Variants in FAM184A observed in about 807,000 individuals in gnomAD.
The protein encoded by FAM184A is protein FAM184A.
In FAM184A, 99 loss-of-function variants were observed where a neutral mutation model predicts 143.8. That is an observed-to-expected ratio of 0.69 (90% CI 0.58 to 0.81). FAM184A has a LOEUF of 0.81. FAM184A is among the 40% of genes least tolerant of loss of function. The probability of loss-of-function intolerance (pLI) is 0.00; values close to 1 mark genes in which losing one functional copy is unlikely to be tolerated. For synonymous variants in FAM184A, 427 were observed against 446.4 expected, an observed-to-expected ratio of 0.96 and a Z score of 0.55; for missense variants, 1,217 against 1,310.5, an observed-to-expected ratio of 0.93 and a Z score of 1.10.
intron 14 of FAM184A, 48 bp from the exon 15 acceptor site, chr6:118,967,000 C>G (rs1375918589): frequency 1.1e-6 from 1 of 875,296 alleles, no homozygotes; most frequent in South Asian, 1.6e-5. Context: ...CAGATACATT[C>G]TTCTGTAATA....
intron 9 of FAM184A, among the ~76,000 whole-genome samples, chr6:118,999,142 A>G (rs1784668227): frequency 6.6e-6 from 1 of 152,136 alleles, no homozygotes; most frequent in Non-Finnish European, 1.5e-5. Context: ...AAGATGGCTG[A>G]GCAGTAAACA....
At chr6:119,117,030 T>A (rs1252815384) in intron 1 of FAM184A, among the ~76,000 whole-genome samples, 1 of 152,186 alleles carries the variant, frequency 6.6e-6, no homozygotes, top group Non-Finnish European at 1.5e-5. Flanking sequence ...TTAGAAATAT[T>A]ATTCAGGTCT....
chr6:119,142,721 T>C (rs1772289714), intron 1 of FAM184A, among the ~76,000 whole-genome samples: 1 of 152,182 alleles, frequency 6.6e-6, no homozygotes, highest in African/African-American at 2.4e-5. Context: ...AGGAGTGTTG[T>C]GGTTGAATTG....
At chr6:119,090,512 T>A (rs1433091914) in intron 1 of FAM184A, among the ~76,000 whole-genome samples, 1 of 152,216 alleles carries the variant, frequency 6.6e-6, no homozygotes, top group African/African-American at 2.4e-5. Flanking sequence ...TCAAAAGAAG[T>A]GGCACAAGAC....
intron 1 of FAM184A, among the ~76,000 whole-genome samples, chr6:119,146,578 A>G (rs808034): frequency 0.5 from 76,131 of 151,636 alleles, 20,547 homozygotes; most frequent in African/African-American, 0.7. Context: ...CTACCAGTAT[A>G]AGCCACTATG....
intron 5 of FAM184A, among the ~76,000 whole-genome samples, chr6:119,014,287 C>T (rs931309740): frequency 6.6e-6 from 1 of 152,176 alleles, no homozygotes; most frequent in African/African-American, 2.4e-5. Flanking sequence ...ACTTAATCCT[C>T]GAAGGAACAT....
intron 9 of FAM184A, among the ~76,000 whole-genome samples, chr6:118,992,035 A>T (rs868245563): frequency 1.2e-4 from 18 of 151,990 alleles, no homozygotes; most frequent in Middle Eastern, 6.8e-3. Flanking sequence ...AAGTGCTGGG[A>T]TTACAGGTAT....
intron 1 of FAM184A, among the ~76,000 whole-genome samples, chr6:119,094,889 G>A (rs1788465706): frequency 6.6e-6 from 1 of 152,180 alleles, no homozygotes; most frequent in South Asian, 2.1e-4. Context: ...GCAAAAGAGG[G>A]GAGGCTGAAC....
chr6:119,079,306 A>G (rs1445913819), upstream of FAM184A: 1 of 152,220 alleles, frequency 6.6e-6, no homozygotes, highest in Non-Finnish European at 1.5e-5. Flanking sequence ...CCGCATAGCT[A>G]CTTTCCCGCG....
At position 119,030,726 on chromosome 6, in the gene FAM184A, T is replaced by C. The variant is rs1009834469; in HGVS notation, c.160-5913A>G. Among the ~76,000 whole-genome samples, 47 of 152,052 alleles carry C rather than the reference T, an allele frequency of 3.1e-4. No homozygotes were observed. The South Asian group carries it at 3.3e-3, about 11-fold the overall frequency. Reference sequence around the variant, plus strand: ...AGACTAATTTTAAAAGGAACTTTAGTAAATGATCATAATCACCCATAAAAT... The same window carrying C: ...AGACTAATTTTAAAAGGAACTTTAGCAAATGATCATAATCACCCATAAAAT... On this transcript the variant is annotated intron_variant, in intron 1 of 17. Transcript: ENST00000338891.
At chr6:119,058,215 G>C (rs1787082654) in intron 1 of FAM184A, among the ~76,000 whole-genome samples, 1 of 109,878 alleles carries the variant, frequency 9.1e-6, no homozygotes, top group Non-Finnish European at 1.7e-5. Flanking sequence ...ATAGAGTCTT[G>C]CTCTGTCGCC....
intron 1 of FAM184A, among the ~76,000 whole-genome samples, chr6:119,099,159 C>G (rs921411091): frequency 6.6e-6 from 1 of 152,156 alleles, no homozygotes; most frequent in African/African-American, 2.4e-5. Flanking sequence ...CCCGGAGGGG[C>G]GCACACCTGA....
intron 16 of FAM184A, chr6:118,962,224 TGA>T: frequency 4.4e-6 from 2 of 459,112 alleles, no homozygotes; most frequent in South Asian, 2.4e-5. Flanking sequence ...TCACGAGGAA[TGA>T]GAGAGAAGGT....
At chr6:118,965,235 G>T (rs1367285158) in intron 15 of FAM184A, among the ~76,000 whole-genome samples, 1 of 148,130 alleles carries the variant, frequency 6.8e-6, no homozygotes, top group African/African-American at 2.5e-5. Flanking sequence ...GTGTGTAGAG[G>T]TAGGGTCTCA....
intron 1 of FAM184A, among the ~76,000 whole-genome samples, chr6:119,050,729 C>T (rs1415990261): frequency 6.6e-6 from 1 of 151,008 alleles, no homozygotes; most frequent in Non-Finnish European, 1.5e-5. Flanking sequence ...GGCGTGAACC[C>T]GGGAAGCGGA....
chr6:119,148,755 A>G (rs987885246), intron 1 of FAM184A, among the ~76,000 whole-genome samples: 2 of 152,044 alleles, frequency 1.3e-5, no homozygotes, highest in African/African-American at 4.8e-5. Flanking sequence ...TGCCCTCAGA[A>G]AGTTGGCAAA....
chr6:119,143,945 G>A (rs977736623), intron 1 of FAM184A, among the ~76,000 whole-genome samples: 2 of 152,266 alleles, frequency 1.3e-5, no homozygotes, highest in Admixed American at 6.5e-5. Context: ...AAAAGAGAGA[G>A]AGAGAAAGAG....
At chr6:118,973,058 A>C (rs79914069) in intron 14 of FAM184A, among the ~76,000 whole-genome samples, 2,843 of 152,306 alleles carry the variant, frequency 0.019, 98 homozygotes, top group African/African-American at 0.066. Context: ...AACTTCAAAA[A>C]GTGGTAAATA....
intron 1 of FAM184A, among the ~76,000 whole-genome samples, chr6:119,110,618 C>T (rs1225529490): frequency 6.6e-6 from 1 of 152,168 alleles, no homozygotes; most frequent in African/African-American, 2.4e-5. Context: ...ATGATGAAGA[C>T]CTATTTTCAG....
Sources: allele counts gnomAD v4.1 joint callset (sites outside exome capture counted in the v4.1 genomes callset), GRCh38; gene constraint gnomAD v4.1.1; transcripts MANE v1.5; gene names NCBI Gene and HGNC (gene_info 2026-07-23, HGNC 2026-07-21).